Variants in CIBAR2 observed in about 807,000 individuals in gnomAD.
CIBAR2 encodes the protein CBY1-interacting BAR domain-containing protein 2.
CIBAR2 carries 38 observed loss-of-function variants against 36.2 expected under a neutral mutation model. The observed-to-expected ratio is 1.05, with a 90% confidence interval of 0.81 to 1.38. CIBAR2 has a LOEUF of 1.38. Ranked by LOEUF, CIBAR2 falls within the 40% of genes most tolerant of loss-of-function variation. CIBAR2 has a pLI of 0.00. For synonymous variants in CIBAR2, 182 were observed against 149.5 expected, an observed-to-expected ratio of 1.22 and a Z score of -1.58; for missense variants, 481 against 383.4, an observed-to-expected ratio of 1.25 and a Z score of -2.13.
chr16:85,109,938 G>C (rs1567562377), intron 2 of CIBAR2, among the ~76,000 whole-genome samples: 1 of 152,170 alleles, frequency 6.6e-6, no homozygotes, highest in Admixed American at 6.5e-5. Flanking sequence ...GCCCTCATAG[G>C]CCTTGGATGT....
At chr16:85,108,922 A>G (rs569196045) in intron 2 of CIBAR2, among the ~76,000 whole-genome samples, 105 of 152,216 alleles carry the variant, frequency 6.9e-4, no homozygotes, top group Admixed American at 2.5e-3. Flanking sequence ...TGCCAATTTT[A>G]CAATCGGGAA....
In CIBAR2 at chr16:85,098,483, C is replaced by G; in HGVS notation, c.*702G>C. 3 of 978,882 alleles carry G rather than the reference C, an allele frequency of 3.1e-6. No individual in the cohort carries two copies. The highest frequency in any genetic ancestry group is 4.7e-5 in the South Asian group (1 of 21,148). 60.6% of individuals were successfully genotyped at this position (978,882 alleles called of 1,614,324 possible). On this transcript the variant is annotated 3_prime_UTR_variant, in exon 9 of 9. Coordinates refer to ENST00000539556, the MANE Select transcript of CIBAR2 (RefSeq NM_198491.3). ...TGAGGAAACTGAGGCTCAGAGGACA[C>G]GTGGCTTGCCTGAGGGCACACAGCA... is the stretch of plus-strand genomic sequence containing the variant.
At chr16:85,107,536 C>T (rs1362249160) in intron 5 of CIBAR2, 131 bp downstream of exon 5, 1 of 1,003,974 alleles carries the variant, frequency 1.0e-6, no homozygotes, top group Non-Finnish European at 1.6e-6. Context: ...GTACCTTTGG[C>T]TTTCCCAACC....
intron 6 of CIBAR2, among the ~76,000 whole-genome samples, chr16:85,104,693 G>A (rs571464124): frequency 6.6e-6 from 1 of 152,216 alleles, no homozygotes; most frequent in South Asian, 2.1e-4. Context: ...TCCAGCCTGG[G>A]CAACCAAGTG....
chr16:85,099,102 A>C lies in CIBAR2; in HGVS notation c.*83T>G. The C allele has an allele frequency of 7.0e-7, 1 of 1,424,990 alleles. No individual in the cohort carries two copies. Among genetic ancestry groups the C allele is most frequent in the African/African-American group, 1.5e-5 (1 of 68,364 alleles). 88.3% of individuals were successfully genotyped at this position (1,424,990 alleles called of 1,614,324 possible). On this transcript the variant is annotated 3_prime_UTR_variant, in exon 9 of 9. Transcript: ENST00000539556. Reference sequence around the variant, plus strand: ...AACACAATCCAACAAAGACAAAGAAAAAAGAATCAGAAAATAAGAACAAAG... The same window carrying C: ...AACACAATCCAACAAAGACAAAGAACAAAGAATCAGAAAATAAGAACAAAG...
Position 85,105,184 on chromosome 16 carries a change from A to G in CIBAR2, c.537+143T>C, listed in dbSNP as rs368119377. On this transcript the variant is annotated intron_variant, in intron 6 of 8. Coordinates refer to ENST00000539556, the MANE Select transcript of CIBAR2 (RefSeq NM_198491.3). Reference sequence around the variant, plus strand: ...CGGGAGCCTGTGTGGGCATAAGCTCACTCACGCCTTCCAGTGCTCACACGT... The same window carrying G: ...CGGGAGCCTGTGTGGGCATAAGCTCGCTCACGCCTTCCAGTGCTCACACGT... 225 of 537,976 alleles carry G rather than the reference A, an allele frequency of 4.2e-4. 4 individuals are homozygous for G. The South Asian group carries it at 5.4e-3, about 13-fold the overall frequency. The allele number at this position is 537,976 out of a possible 1,614,324, so 33.3% of individuals were successfully genotyped here.
At position 85,108,047 on chromosome 16, in the gene CIBAR2, T is replaced by C; in HGVS notation, c.308A>G (p.Gln103Arg). 6.2e-7 allele frequency: 1 copy of C among 1,613,772 alleles called. No homozygotes were observed. The highest frequency in any genetic ancestry group is 8.5e-7 in the Non-Finnish European group (1 of 1,179,758). Residue 103 changes from glutamine (Q) to arginine (R), a missense_variant, in exon 3 of 9, where the codon CAG (glutamine) becomes CGG (arginine). Transcript: ENST00000539556. ...VVNPLKLYGA[Q>R]IKQTRAEIKK... ...CCGGCTCACCCGTGTCTGCTTGATCTGTGCCCCGTAGAGCTTCAGGGGGTT... is the reference window on the plus strand; with the variant it reads ...CCGGCTCACCCGTGTCTGCTTGATCCGTGCCCCGTAGAGCTTCAGGGGGTT...
rs2073933374 is a variant in CIBAR2 at position 85,099,132 on chromosome 16, C to T, written c.*53G>A. The T allele has an allele frequency of 6.9e-7, 1 of 1,452,046 alleles. No individual in the cohort carries two copies. Among genetic ancestry groups the T allele is most frequent in the Non-Finnish European group, 9.1e-7 (1 of 1,099,818 alleles). The allele number at this position is 1,452,046 out of a possible 1,614,324, so 89.9% of individuals were successfully genotyped here. ...AATCAGAAAATAAGAACAAAGCCTCCAGGCAGTCTGGGATTATTTTAAACG... is the reference window on the plus strand; with the variant it reads ...AATCAGAAAATAAGAACAAAGCCTCTAGGCAGTCTGGGATTATTTTAAACG... On this transcript the variant is annotated 3_prime_UTR_variant, in exon 9 of 9. Coordinates refer to ENST00000539556, the MANE Select transcript of CIBAR2 (RefSeq NM_198491.3).
At chr16:85,103,435 A>G (rs752233410) in intron 6 of CIBAR2, among the ~76,000 whole-genome samples, 7 of 152,112 alleles carry the variant, frequency 4.6e-5, no homozygotes. Context: ...TCTTGCTTTT[A>G]TCTCTTTTGA....
rs569559148 is a variant in CIBAR2 at position 85,100,317 on chromosome 16, G to T, written c.652-77C>A. The stretch of plus-strand genomic sequence containing the variant: ...GGTTGGGGGAGTGGGATGGAAAGAC[G>T]GTGGGGACGAGAAGGCCCGAGACAG... On this transcript the variant is annotated intron_variant, in intron 7 of 8. Coordinates refer to ENST00000539556, the MANE Select transcript of CIBAR2 (RefSeq NM_198491.3). The T allele has an allele frequency of 7.7e-5, 69 of 893,978 alleles. No homozygotes were observed. In the African/African-American group the frequency reaches 9.7e-4, roughly 13 times the overall value. The allele number at this position is 893,978 out of a possible 1,614,324, so 55.4% of individuals were successfully genotyped here.
chr16:85,104,040 CTTG>C (rs1355452869), intron 6 of CIBAR2, among the ~76,000 whole-genome samples: 5 of 152,262 alleles, frequency 3.3e-5, no homozygotes, highest in African/African-American at 1.2e-4. Context: ...GCATTCCACA[CTTG>C]TTAAAGTAAC....
chr16:85,111,190 C>A (rs1199385687), intron 1 of CIBAR2, among the ~76,000 whole-genome samples: 1 of 152,158 alleles, frequency 6.6e-6, no homozygotes, highest in Non-Finnish European at 1.5e-5. Context: ...TGACCAAAGT[C>A]CCCCGTGCAA....
At chr16:85,105,207 C>T (rs1394919863) in intron 6 of CIBAR2, 120 bp downstream of exon 6, 25 of 638,546 alleles carry the variant, frequency 3.9e-5, no homozygotes, top group South Asian at 1.8e-4. Context: ...AGTGCTCACA[C>T]GTGTACACAG....
In CIBAR2 at chr16:85,098,406, C is replaced by T. The variant is rs545470078; in HGVS notation, c.*779G>A. On this transcript the variant is annotated 3_prime_UTR_variant, in exon 9 of 9. Transcript: ENST00000539556. ...AACACCTACTATATGCCAGGCACAG[C>T]GATCCCCCAGAGCAACCTGTGAAGT... The T allele has an allele frequency of 1.1e-5, 4 of 368,750 alleles. No individual in the cohort carries two copies. Among genetic ancestry groups the T allele is most frequent in the Middle Eastern group, 1.4e-3 (1 of 708 alleles). The allele number at this position is 368,750 out of a possible 1,614,324, so 22.8% of individuals were successfully genotyped here.
chr16:85,105,922 C>T (rs184327013), intron 5 of CIBAR2, among the ~76,000 whole-genome samples: 1 of 152,198 alleles, frequency 6.6e-6, no homozygotes, highest in African/African-American at 2.4e-5. Context: ...GAGTCAAACA[C>T]CTTGGAGCTG....
rs143846697 is a variant in CIBAR2 at position 85,107,986 on chromosome 16, A to G, written c.325-39T>C. 8.0e-3 allele frequency: 12,841 copies of G among 1,613,318 alleles called. 82 individuals carry two copies. The highest frequency in any genetic ancestry group is 9.0e-3 in the Non-Finnish European group (10,578 of 1,179,286). On this transcript the variant is annotated intron_variant, in intron 3 of 8. Coordinates refer to ENST00000539556, the MANE Select transcript of CIBAR2 (RefSeq NM_198491.3). ...GGAGGGTTGTTTCCTGGGATCCCAC[A>G]GGGCAAGACAGGGATGCCACCCACA...
chr16:85,109,781 G>A (rs57085955), intron 2 of CIBAR2, among the ~76,000 whole-genome samples: 9,769 of 152,256 alleles, frequency 0.064, 981 homozygotes, highest in African/African-American at 0.22. Flanking sequence ...TTACAGGTGT[G>A]AGCACCTGGC....
intron 1 of CIBAR2, among the ~76,000 whole-genome samples, chr16:85,111,584 G>T (rs1002544407): frequency 1.3e-5 from 2 of 152,210 alleles, no homozygotes; most frequent in Non-Finnish European, 2.9e-5. Flanking sequence ...AGTGGCTCAC[G>T]CCTGTCATCC....
In CIBAR2 at chr16:85,112,317, G is replaced by C. The variant is rs1040664833; in HGVS notation, c.20+16C>G. ...TTCCACCTCCCTCACAGCCAGGCTG[G>C]CGCTGGCCCACTCACCTGGAGAAGA... On this transcript the variant is annotated intron_variant, in intron 1 of 8. Coordinates refer to ENST00000539556, the MANE Select transcript of CIBAR2 (RefSeq NM_198491.3). The C allele has an allele frequency of 6.2e-7, 1 of 1,613,734 alleles. No individual in the cohort carries two copies. The highest frequency in any genetic ancestry group is 1.3e-5 in the African/African-American group (1 of 75,044).
Sources: allele counts gnomAD v4.1 joint callset (sites outside exome capture counted in the v4.1 genomes callset), GRCh38; gene constraint gnomAD v4.1.1; transcripts MANE v1.5; gene names NCBI Gene and HGNC (gene_info 2026-07-23, HGNC 2026-07-21).